Variants in GLI2 observed in about 807,000 individuals in gnomAD.
GLI2 encodes GLI family zinc finger 2.
In GLI2, 22 loss-of-function variants were observed where a neutral mutation model predicts 78.9. The ratio of observed to expected loss-of-function variants is 0.28; its 90% CI spans 0.20 to 0.40. The LOEUF (loss-of-function observed/expected upper bound fraction) is 0.40, where lower values mean the gene tolerates loss of function less well. GLI2 is among the 10% of genes least tolerant of loss of function. The probability of loss-of-function intolerance (pLI) is 1.00; values close to 1 mark genes in which losing one functional copy is unlikely to be tolerated. For synonymous variants in GLI2, 974 were observed against 963.7 expected (o/e 1.01, Z -0.20); for missense variants, 2,097 against 2,213.2 (o/e 0.95, Z 1.05).
intron 3 of GLI2, among the ~76,000 whole-genome samples, chr2:120,929,095 TATAAG>T (rs1379803734): frequency 6.6e-6 from 1 of 152,244 alleles, no homozygotes; most frequent in Non-Finnish European, 1.5e-5. Context: ...CCAGTTACTA[TATAAG>T]ATGTCTCTGG....
chr2:120,896,656 C>T (rs1677962270), intron 2 of GLI2, among the ~76,000 whole-genome samples: 1 of 53,666 alleles, frequency 1.9e-5, no homozygotes, highest in Non-Finnish European at 3.1e-5. Context: ...CACACACACA[C>T]ACACATACAC....
intron 1 of GLI2, among the ~76,000 whole-genome samples, chr2:120,764,443 AG>A (rs144294340): frequency 7.9e-5 from 12 of 151,732 alleles, no homozygotes; most frequent in African/African-American, 2.4e-4. Flanking sequence ...TTTAAAAAAA[AG>A]AGAACGGATT....
intron 2 of GLI2, among the ~76,000 whole-genome samples, chr2:120,811,739 G>C (rs912508555): frequency 6.6e-6 from 1 of 152,118 alleles, no homozygotes; most frequent in Non-Finnish European, 1.5e-5. Flanking sequence ...GGGGCATTTA[G>C]AATCAGCACA....
chr2:120,835,289 G>C (rs1686555835), intron 2 of GLI2, among the ~76,000 whole-genome samples: 1 of 152,088 alleles, frequency 6.6e-6, no homozygotes, highest in South Asian at 2.1e-4. Flanking sequence ...GCTTTGGTGG[G>C]AGTTGATCAG....
intron 2 of GLI2, 108 bp downstream of exon 2, chr2:120,797,576 A>T: frequency 1.9e-6 from 2 of 1,073,076 alleles, no homozygotes; most frequent in South Asian, 1.4e-5. Flanking sequence ...TGCTGGGTTT[A>T]TGGAGGGCGA....
rs563199916 is a variant in GLI2 at position 120,876,633 on chromosome 2, G to A, written c.149-50728G>A. Among the ~76,000 whole-genome samples the A allele has an allele frequency of 5.9e-5, 9 of 152,160 alleles. No homozygotes were observed. In the East Asian group the frequency reaches 1.4e-3, roughly 23 times the overall value. ...GGGACTTTTCTTGCAGGGGTTTGCA[G>A]CTGGCAGGGTTGGAGGAGGGACACA... On this transcript the variant is annotated intron_variant, in intron 2 of 13. Coordinates refer to ENST00000361492, the MANE Select transcript of GLI2 (RefSeq NM_001374353.1).
chr2:120,915,379 G>A (rs1461016700), intron 2 of GLI2, among the ~76,000 whole-genome samples: 1 of 152,106 alleles, frequency 6.6e-6, no homozygotes, highest in Non-Finnish European at 1.5e-5. Context: ...CTCCCCCCAC[G>A]TTTTTCCCCC....
At chr2:120,860,660 G>T (rs546009096) in intron 2 of GLI2, among the ~76,000 whole-genome samples, 1 of 152,330 alleles carries the variant, frequency 6.6e-6, no homozygotes, top group South Asian at 2.1e-4. Context: ...AGATGCAGGA[G>T]GGACCTGGGT....
chr2:120,762,115 G>A (rs139065974), intron 1 of GLI2, among the ~76,000 whole-genome samples: 4 of 152,286 alleles, frequency 2.6e-5, no homozygotes, highest in African/African-American at 9.6e-5. Flanking sequence ...CCCATACCCA[G>A]GGACATAATG....
In GLI2 at chr2:120,740,318, A is replaced by G. The variant is rs114153774; in HGVS notation, c.-31+4033A>G. ...TTGTTTCTGGTTTCTTAAAAAACATACACATGGGGGAAAGTAACTCATTTA... is the reference window on the plus strand; with the variant it reads ...TTGTTTCTGGTTTCTTAAAAAACATGCACATGGGGGAAAGTAACTCATTTA... On this transcript the variant is annotated intron_variant, in intron 1 of 13. Coordinates refer to ENST00000361492, the MANE Select transcript of GLI2 (RefSeq NM_001374353.1). Among the ~76,000 whole-genome samples, 852 of 152,316 alleles carry G rather than the reference A, an allele frequency of 5.6e-3. 13 individuals are homozygous for G. The highest frequency in any genetic ancestry group is 8.2e-3 in the Admixed American group (125 of 15,294).
rs201051566 is a variant in GLI2 at position 120,978,398 on chromosome 2, C to T, written c.1318-36C>T. On this transcript the variant is annotated intron_variant, in intron 9 of 13. Transcript: ENST00000361492. ...AGGGGGTGGTCTGTGGGCCTCTGGC[C>T]CTGCTTACCCTCTTCTGGGCATGTC... is the stretch of plus-strand genomic sequence containing the variant. 151 of 1,613,478 alleles carry T rather than the reference C, an allele frequency of 9.4e-5. No individual in the cohort carries two copies. The Middle Eastern group carries it at 1.3e-3, about 14-fold the overall frequency.
chr2:120,904,945 TGAG>T (rs1232131240), intron 2 of GLI2, among the ~76,000 whole-genome samples: 1 of 152,176 alleles, frequency 6.6e-6, no homozygotes, highest in Non-Finnish European at 1.5e-5. Context: ...ACAGAGCGCC[TGAG>T]CTGCAGGCTT....
chr2:120,868,026 C>A (rs549258688), intron 2 of GLI2, among the ~76,000 whole-genome samples: 2 of 152,326 alleles, frequency 1.3e-5, no homozygotes, highest in African/African-American at 4.8e-5. Context: ...CCTGCCCCCC[C>A]AGCCTCCCGC....
intron 1 of GLI2, among the ~76,000 whole-genome samples, chr2:120,739,071 C>A (rs971895617): frequency 6.6e-6 from 1 of 152,056 alleles, no homozygotes; most frequent in Non-Finnish European, 1.5e-5. Flanking sequence ...TGCCTGGCTG[C>A]GGGGGTCTTG....
At position 120,927,402 on chromosome 2, in the gene GLI2, A is replaced by G; in HGVS notation, c.190A>G (p.Ile64Val). 1 of 1,613,914 alleles carries G rather than the reference A, an allele frequency of 6.2e-7. No individual in the cohort carries two copies. The part of the protein sequence containing the change: ...LLPPFHAPLP[I>V]DMRHQEGRYH... ...GCCACCATTCCATGCGCCCCTACCG[A>G]TTGACATGCGACACCAGGAAGGAAG... The change falls in exon 3 of 14, where the codon ATT (isoleucine) becomes GTT (valine). Residue 64 changes from isoleucine to valine, a missense_variant. By Grantham distance (29) the Ile-to-Val change is conservative. Coordinates refer to ENST00000361492, the MANE Select transcript of GLI2 (RefSeq NM_001374353.1).
In GLI2 at chr2:120,825,751, C is replaced by G. The variant is rs80146274; in HGVS notation, c.148+28283C>G. ...ATGACAGCCCTCCCTCCATGTCCCC[C>G]TCCTGGTGCTTCCTGCAGACATCAG... On this transcript the variant is annotated intron_variant, in intron 2 of 13. Transcript: ENST00000361492. Among the ~76,000 whole-genome samples the G allele has an allele frequency of 9.4e-3, 1,436 of 152,366 alleles. 8 individuals are homozygous for G. Among genetic ancestry groups the G allele is most frequent in the Non-Finnish European group, 0.016 (1,070 of 68,030 alleles).
intron 5 of GLI2, among the ~76,000 whole-genome samples, chr2:120,957,166 C>G (rs895418973): frequency 3.9e-5 from 6 of 152,222 alleles, no homozygotes; most frequent in Non-Finnish European, 5.9e-5. Flanking sequence ...GGATATGGTC[C>G]TCGCCAGGCC....
chr2:120,863,957 A>G (rs1688015316), intron 2 of GLI2, among the ~76,000 whole-genome samples: 1 of 152,210 alleles, frequency 6.6e-6, no homozygotes, highest in South Asian at 2.1e-4. Flanking sequence ...ATTAGGGTCA[A>G]TGGAAAGGCC....
chr2:120,810,792 T>C (rs1349778334), intron 2 of GLI2, among the ~76,000 whole-genome samples: 2 of 152,212 alleles, frequency 1.3e-5, no homozygotes, highest in Non-Finnish European at 2.9e-5. Context: ...TAGATTTGCT[T>C]TTAGGACTAG....
Sources: allele counts gnomAD v4.1 joint callset (sites outside exome capture counted in the v4.1 genomes callset), GRCh38; gene constraint gnomAD v4.1.1; transcripts MANE v1.5; gene names NCBI Gene and HGNC (gene_info 2026-07-23, HGNC 2026-07-21).